DOCK8: variants seen among roughly 807,000 people sequenced by gnomAD.
DOCK8 encodes the protein dedicator of cytokinesis protein 8.
In DOCK8, 141 loss-of-function variants were observed where a neutral mutation model predicts 245.6. The observed-to-expected ratio is 0.57, with a 90% CI of 0.50 to 0.66. The LOEUF (loss-of-function observed/expected upper bound fraction) is 0.66, where lower values mean the gene tolerates loss of function less well. Ranked by LOEUF, DOCK8 falls within the 30% of genes least tolerant of loss-of-function variation. The pLI is 0.00. For missense variants in DOCK8, 2,965 were observed against 2,603.4 expected (o/e 1.14, Z -3.02); for synonymous variants, 1,168 against 970.2 (o/e 1.20, Z -3.79).
intron 23 of DOCK8, among the ~76,000 whole-genome samples, chr9:388,939 G>A (rs2054070020): frequency 6.6e-6 from 1 of 151,992 alleles, no homozygotes; most frequent in South Asian, 2.1e-4. Flanking sequence ...AACTTAATTT[G>A]CAAATAAGGA....
chr9:408,894 ACG>A (rs746169680), intron 28 of DOCK8, among the ~76,000 whole-genome samples: 2 of 130,620 alleles, frequency 1.5e-5, no homozygotes, highest in African/African-American at 5.3e-5. Context: ...ACACGCACAC[ACG>A]CGCGTGCACA....
chr9:361,690 T>C lies in DOCK8; in HGVS notation c.1680-6328T>C, dbSNP rs75592055. ...AAATGCAGCCCACAAAATCAGCAAA[T>C]ATTTTTTCTTTGTTTCCTCCTTTTT... On this transcript the variant is annotated intron_variant, in intron 14 of 47. Coordinates refer to ENST00000432829, the MANE Select transcript of DOCK8 (RefSeq NM_203447.4). Among the ~76,000 whole-genome samples the C allele has an allele frequency of 1.6e-4, 25 of 152,310 alleles. 2 individuals carry two copies. In the East Asian group the frequency reaches 4.8e-3, roughly 29 times the overall value.
At chr9:326,779 AAAG>A (rs912981024) in intron 8 of DOCK8, among the ~76,000 whole-genome samples, 1 of 152,220 alleles carries the variant, frequency 6.6e-6, no homozygotes, top group African/African-American at 2.4e-5. Context: ...GAAGAAGAGA[AAAG>A]AAGGATGGAG....
intron 7 of DOCK8, among the ~76,000 whole-genome samples, chr9:324,872 A>G (rs75993730): frequency 0.04 from 6,020 of 152,154 alleles, 412 homozygotes; most frequent in African/African-American, 0.14. Flanking sequence ...TTTTGGTTAC[A>G]TGGATGAATT....
intron 30 of DOCK8, among the ~76,000 whole-genome samples, chr9:418,623 C>T (rs769666819): frequency 4.6e-5 from 7 of 152,116 alleles, no homozygotes; most frequent in African/African-American, 7.2e-5. Context: ...TGATTATTTC[C>T]GCCTCATTTT....
chr9:446,225 G>A (rs2057252955), intron 43 of DOCK8, 145 bp from the exon 44 acceptor site: 4 of 755,728 alleles, frequency 5.3e-6, no homozygotes, highest in African/African-American at 1.7e-5. Flanking sequence ...ACTTCTGCTG[G>A]CCACATTCTC....
intron 28 of DOCK8, among the ~76,000 whole-genome samples, chr9:410,316 C>T (rs2055662913): frequency 6.6e-6 from 1 of 152,096 alleles, no homozygotes; most frequent in African/African-American, 2.4e-5. Context: ...TTAATACTGC[C>T]TGTTGTTGAA....
intron 4 of DOCK8, among the ~76,000 whole-genome samples, chr9:296,973 A>G (rs1460961788): frequency 6.6e-6 from 1 of 152,088 alleles, no homozygotes; most frequent in Admixed American, 6.5e-5. Context: ...TCTTAAATGG[A>G]TGCATCCTCA....
intron 13 of DOCK8, 140 bp from the exon 14 acceptor site, chr9:340,019 A>G: frequency 1.2e-6 from 1 of 835,002 alleles, no homozygotes; most frequent in South Asian, 1.6e-5. Flanking sequence ...CTCAAGCTGT[A>G]GGAAATTAGC....
intron 21 of DOCK8, 26 bp from the exon 22 acceptor site, chr9:382,487 A>G: frequency 6.2e-7 from 1 of 1,612,990 alleles, no homozygotes; most frequent in Non-Finnish European, 8.5e-7. Context: ...CTGTCTGTTG[A>G]CATGTCTCTG....
intron 14 of DOCK8, among the ~76,000 whole-genome samples, chr9:340,896 A>AG (rs1172464856): frequency 1.3e-5 from 2 of 152,212 alleles, no homozygotes; most frequent in Admixed American, 1.3e-4. Context: ...TAAAAAAAAA[A>AG]TCTGCTAGCC....
At chr9:273,164 T>G in intron 2 of DOCK8, 2 of 928,182 alleles carry the variant, frequency 2.2e-6, no homozygotes, top group Non-Finnish European at 2.5e-6. Context: ...GCGTCATTAA[T>G]GAAATAGTAG....
chr9:327,829 T>C (rs996736904), intron 8 of DOCK8, among the ~76,000 whole-genome samples, 193 bp from the exon 9 acceptor site: 1 of 152,190 alleles, frequency 6.6e-6, no homozygotes, highest in Non-Finnish European at 1.5e-5. Flanking sequence ...CTCAAATGGC[T>C]CCAGAATACC....
chr9:289,484 G>T, intron 3 of DOCK8, 26 bp from the exon 4 acceptor site: 3 of 1,600,760 alleles, frequency 1.9e-6, no homozygotes, highest in Non-Finnish European at 2.6e-6. Context: ...GTAATAACGT[G>T]TTTATTTCAT....
chr9:346,425 C>T (rs1255432634), intron 14 of DOCK8, among the ~76,000 whole-genome samples: 2 of 152,116 alleles, frequency 1.3e-5, no homozygotes, highest in South Asian at 2.1e-4. Context: ...GGGGTATGTG[C>T]GGAGATCACA....
chr9:359,827 A>G (rs1189730557), intron 14 of DOCK8, among the ~76,000 whole-genome samples: 1 of 150,740 alleles, frequency 6.6e-6, no homozygotes, highest in East Asian at 1.9e-4. Context: ...AAAAAAAATT[A>G]CAGAGGGAGA....
chr9:354,437 G>A (rs762177466), intron 14 of DOCK8, among the ~76,000 whole-genome samples: 3 of 152,164 alleles, frequency 2.0e-5, no homozygotes, highest in Non-Finnish European at 2.9e-5. Flanking sequence ...AAAGAACACT[G>A]GACGTATACT....
At chr9:212,037 C>T (rs1215026742), upstream of DOCK8, among the ~76,000 whole-genome samples, 4 of 152,172 alleles carry the variant, frequency 2.6e-5, no homozygotes, top group African/African-American at 9.7e-5. Context: ...TAGGAAATGG[C>T]TCTGCCCTTA....
intron 43 of DOCK8, among the ~76,000 whole-genome samples, chr9:445,964 C>T (rs2057240792): frequency 6.6e-6 from 1 of 152,230 alleles, no homozygotes; most frequent in Non-Finnish European, 1.5e-5. Flanking sequence ...TCCTTGCCAG[C>T]ACTTGATATT....
Sources: allele counts gnomAD v4.1 joint callset (sites outside exome capture counted in the v4.1 genomes callset), GRCh38; gene constraint gnomAD v4.1.1; transcripts MANE v1.5; gene names NCBI Gene and HGNC (gene_info 2026-07-23, HGNC 2026-07-21).